Variants in DISP1 observed in about 807,000 individuals in gnomAD.
DISP1 encodes protein dispatched homolog 1.
In DISP1, 30 loss-of-function variants were observed where a neutral mutation model predicts 37.3. The observed-to-expected ratio is 0.80, with a 90% CI of 0.60 to 1.09. The LOEUF (loss-of-function observed/expected upper bound fraction) is 1.09, where lower values mean the gene tolerates loss of function less well. Among genes scored for constraint, DISP1 ranks in the 50% least tolerant of loss-of-function variants. The pLI is 0.00. For synonymous variants in DISP1, 634 were observed against 690.2 expected (o/e 0.92, Z 1.28); for missense variants, 1,598 against 1,879.5 (o/e 0.85, Z 2.77).
intron 3 of DISP1, among the ~76,000 whole-genome samples, chr1:222,970,786 T>C (rs1676881337): frequency 6.6e-6 from 1 of 152,190 alleles, no homozygotes; most frequent in African/African-American, 2.4e-5. Flanking sequence ...AATTTGTTTC[T>C]AAAAGTTGTC....
intron 3 of DISP1, among the ~76,000 whole-genome samples, chr1:222,952,114 C>G (rs978389239): frequency 6.6e-6 from 1 of 152,140 alleles, no homozygotes; most frequent in Admixed American, 6.5e-5. Flanking sequence ...TGTTGACTCT[C>G]TGGAACTGCT....
At chr1:222,824,961 A>T (rs1286222513) in intron 1 of DISP1, among the ~76,000 whole-genome samples, 4 of 152,154 alleles carry the variant, frequency 2.6e-5, no homozygotes, top group Admixed American at 1.3e-4. Context: ...TGCAAAAAAA[A>T]TTTTTTAGAC....
intron 1 of DISP1, among the ~76,000 whole-genome samples, chr1:222,851,061 ATTTTT>A (rs971721526): frequency 3.3e-4 from 42 of 127,358 alleles, no homozygotes; most frequent in African/African-American, 1.2e-3. Flanking sequence ...TGCATTTTTA[ATTTTT>A]TTTTTTTTTT....
chr1:222,999,139 C>G (rs1044946010), intron 8 of DISP1, among the ~76,000 whole-genome samples: 1 of 152,086 alleles, frequency 6.6e-6, no homozygotes, highest in African/African-American at 2.4e-5. Flanking sequence ...TTACTTTACC[C>G]TCTATTTTAA....
chr1:222,989,271 G>A, intron 4 of DISP1: 2 of 632,684 alleles, frequency 3.2e-6, no homozygotes, highest in Non-Finnish European at 2.0e-6. Flanking sequence ...AGCCATTGCA[G>A]CAGCCAAATG....
intron 1 of DISP1, among the ~76,000 whole-genome samples, chr1:222,877,060 T>A (rs746735015): frequency 6.6e-6 from 1 of 152,070 alleles, no homozygotes; most frequent in Non-Finnish European, 1.5e-5. Flanking sequence ...GGAGCATGGA[T>A]TTGTTCTGTC....
At chr1:222,972,241 G>A (rs1479125995) in intron 3 of DISP1, among the ~76,000 whole-genome samples, 1 of 152,036 alleles carries the variant, frequency 6.6e-6, no homozygotes, top group Non-Finnish European at 1.5e-5. Flanking sequence ...TATGACAATA[G>A]ATGCTTATAA....
rs1676480071 is a variant in DISP1 at position 222,966,254 on chromosome 1, G to C, written c.510-16826G>C. On this transcript the variant is annotated intron_variant, in intron 3 of 8. Coordinates refer to ENST00000675850, the MANE Select transcript of DISP1 (RefSeq NM_001377229.1). ...TTGGAAAGAAACTAAAATGTAGGGAGGCAGAATAGTATGGATTTTAAAAAT... is the reference window on the plus strand; with the variant it reads ...TTGGAAAGAAACTAAAATGTAGGGACGCAGAATAGTATGGATTTTAAAAAT... Among the ~76,000 whole-genome samples, 7 of 152,128 alleles carry C rather than the reference G, an allele frequency of 4.6e-5. No individual in the cohort carries two copies. The South Asian group carries it at 1.5e-3, about 32-fold the overall frequency.
chr1:222,933,943 ATCAATCCATTG>A (rs1356853816), intron 2 of DISP1, among the ~76,000 whole-genome samples: 2 of 152,094 alleles, frequency 1.3e-5, no homozygotes. Flanking sequence ...GACAACAAAG[ATCAATCCATTG>A]TCTTGCTTTT....
chr1:222,817,365 A>G (rs909454923), intron 1 of DISP1, among the ~76,000 whole-genome samples: 8 of 152,210 alleles, frequency 5.3e-5, no homozygotes, highest in Admixed American at 6.5e-5. Flanking sequence ...TCATATACAC[A>G]TACATTTGTC....
Position 223,005,550 on chromosome 1 carries a change from C to T in DISP1, c.4153C>T (p.Leu1385Phe). The T allele has an allele frequency of 6.2e-7, 1 of 1,614,098 alleles. No individual in the cohort carries two copies. The stretch of plus-strand genomic sequence containing the variant: ...TCTTCAGAGGAGCATAGAAGAGCAT[C>T]TTCCAAAGATGGCAGAGCCATCGTC... ...HSLQRSIEEH[L>F]PKMAEPSSFV... Residue 1385 changes from leucine to phenylalanine, a missense_variant, in exon 9 of 9, where the codon CTT becomes TTT. Transcript: ENST00000675850.
rs1671075224 is a variant in DISP1 at position 222,893,749 on chromosome 1, C to T, written c.-158-34681C>T. 6.6e-6 allele frequency among the ~76,000 whole-genome samples: 1 copy of T among 152,192 alleles called. No homozygotes were observed. The highest frequency in any genetic ancestry group is 2.1e-4 in the South Asian group (1 of 4,832). ...TGTCACAACCCTGGCTCCGGGAGCTCCTAGATGTGGGCTCCCTTCTCTCCT... is the reference window on the plus strand; with the variant it reads ...TGTCACAACCCTGGCTCCGGGAGCTTCTAGATGTGGGCTCCCTTCTCTCCT... On this transcript the variant is annotated intron_variant, in intron 1 of 8. Coordinates refer to ENST00000675850, the MANE Select transcript of DISP1 (RefSeq NM_001377229.1). This position sits in a 1 kb window ranked among gnomAD's most constrained non-coding sequence, Gnocchi z 4.3.
chr1:222,900,710 A>G (rs925739526), intron 1 of DISP1, among the ~76,000 whole-genome samples: 1 of 152,218 alleles, frequency 6.6e-6, no homozygotes, highest in Non-Finnish European at 1.5e-5. Context: ...CAAATTAGAG[A>G]TAAGAGATCA....
In DISP1 at chr1:222,941,943, G is replaced by A. The variant is rs575829135; in HGVS notation, c.-17-864G>A. ...TTTTTTTTTTTTACTGTGAATTCCCGGATTTTGTGTGTATGTTGCTCAGAG... is the reference window on the plus strand; with the variant it reads ...TTTTTTTTTTTTACTGTGAATTCCCAGATTTTGTGTGTATGTTGCTCAGAG... On this transcript the variant is annotated intron_variant, in intron 2 of 8. Transcript: ENST00000675850. Among the ~76,000 whole-genome samples the A allele has an allele frequency of 4.0e-5, 6 of 149,174 alleles. No homozygotes were observed. In the South Asian group the frequency reaches 6.4e-4, roughly 16 times the overall value.
intron 1 of DISP1, among the ~76,000 whole-genome samples, chr1:222,910,170 C>T (rs1483236225): frequency 6.6e-6 from 1 of 152,112 alleles, no homozygotes; most frequent in African/African-American, 2.4e-5. Flanking sequence ...TCAAGACCAG[C>T]TGAGCAACAT....
Position 222,893,342 on chromosome 1 carries a change from C to T in DISP1, c.-158-35088C>T, listed in dbSNP as rs1671040943. 6.6e-6 allele frequency among the ~76,000 whole-genome samples: 1 copy of T among 152,202 alleles called. No individual in the cohort carries two copies. The highest frequency in any genetic ancestry group is 2.1e-4 in the South Asian group (1 of 4,834). Reference sequence around the variant, plus strand: ...GGGATGTTACTTCGCCAACTGGAAACCTCTGTAGCTGGCGGAGCCTTCTTC... The same window carrying T: ...GGGATGTTACTTCGCCAACTGGAAATCTCTGTAGCTGGCGGAGCCTTCTTC... On this transcript the variant is annotated intron_variant, in intron 1 of 8. Transcript: ENST00000675850. This position sits in a 1 kb window ranked among gnomAD's most constrained non-coding sequence, Gnocchi z 4.3.
Position 222,996,598 on chromosome 1 carries a change from A to G in DISP1, c.987+1616A>G, listed in dbSNP as rs145388077. On this transcript the variant is annotated intron_variant, in intron 8 of 8. Transcript: ENST00000675850. ...AATTAATAGCTGATATTTAGTGAGTATTTACCATGTGCCAGGAAGTGTTCT... is the reference window on the plus strand; with the variant it reads ...AATTAATAGCTGATATTTAGTGAGTGTTTACCATGTGCCAGGAAGTGTTCT... Among the ~76,000 whole-genome samples, 554 of 152,322 alleles carry G rather than the reference A, an allele frequency of 3.6e-3. 3 individuals are homozygous for G. The highest frequency in any genetic ancestry group is 6.8e-3 in the Middle Eastern group (2 of 294).
chr1:222,850,222 G>T (rs150961106), intron 1 of DISP1, among the ~76,000 whole-genome samples: 18 of 152,102 alleles, frequency 1.2e-4, no homozygotes, highest in African/African-American at 3.9e-4. Context: ...TTTTCCTTGT[G>T]CATTTTCCCT....
At chr1:222,938,414 G>C (rs770528338) in intron 2 of DISP1, among the ~76,000 whole-genome samples, 3 of 151,678 alleles carry the variant, frequency 2.0e-5, no homozygotes, top group Non-Finnish European at 2.9e-5. Context: ...GCTCAGACTG[G>C]ATTTTTTCCT....
Sources: allele counts gnomAD v4.1 joint callset (sites outside exome capture counted in the v4.1 genomes callset), GRCh38; gene constraint gnomAD v4.1.1; non-coding constraint Gnocchi (gnomAD v3.1); transcripts MANE v1.5; gene names NCBI Gene and HGNC (gene_info 2026-07-23, HGNC 2026-07-21).